The following RIN3 variants were observed in gnomAD, a reference collection of about 807,000 sequenced individuals.
RIN3 encodes the protein RAB5 interacting protein 3.
A neutral mutation model predicts 76.3 loss-of-function variants in RIN3; 54 were observed. The observed-to-expected ratio is 0.71, with a 90% confidence interval of 0.57 to 0.89. RIN3 has a LOEUF of 0.89. RIN3 is among the 40% of genes least tolerant of loss of function. The pLI is 0.00. For synonymous variants in RIN3, 576 were observed against 564.0 expected (o/e 1.02, Z -0.30); for missense variants, 1,256 against 1,322.1 (o/e 0.95, Z 0.78).
At chr14:92,515,128 C>T in intron 1 of RIN3, 1 of 653,712 alleles carries the variant, frequency 1.5e-6, no homozygotes, top group Non-Finnish European at 2.8e-6. Context: ...TAGATCTGAA[C>T]GTCTCCCTTC....
chr14:92,535,408 A>G (rs1332305069), intron 1 of RIN3, among the ~76,000 whole-genome samples: 2 of 142,558 alleles, frequency 1.4e-5, no homozygotes, highest in East Asian at 4.0e-4. Context: ...ATCTTGGCTC[A>G]CTGCAGCCTC....
In RIN3 at chr14:92,685,169, AG is replaced by A. The variant is rs753450947; in HGVS notation, c.2631+23del. 4 of 1,582,020 alleles carry A rather than the reference AG, an allele frequency of 2.5e-6. No homozygotes were observed. The highest frequency in any genetic ancestry group is 1.7e-4 in the Middle Eastern group (1 of 5,998). On this transcript the variant is annotated intron_variant, in intron 9 of 9. Coordinates refer to ENST00000216487, the MANE Select transcript of RIN3 (RefSeq NM_024832.5). The surrounding 1 kb of genome is among the most constrained non-coding windows in gnomAD (Gnocchi z 4.7). The stretch of plus-strand genomic sequence containing the variant: ...CGTACAGGTGAGGCCTGAGAGCGGG[AG>A]GGGCCCGGTGGGGCCATGTCCCAGA...
intron 1 of RIN3, among the ~76,000 whole-genome samples, chr14:92,536,111 A>T (rs1896994329): frequency 6.6e-6 from 1 of 152,152 alleles, no homozygotes; most frequent in Admixed American, 6.5e-5. Context: ...GTAATGTCAC[A>T]CCATCTTAAT....
intron 2 of RIN3, among the ~76,000 whole-genome samples, chr14:92,573,532 T>C (rs1281261364): frequency 6.6e-6 from 1 of 152,224 alleles, no homozygotes; most frequent in Non-Finnish European, 1.5e-5. Context: ...GTGCTTAGTC[T>C]TTCTGTGGCC....
At chr14:92,659,519 G>T (rs1887801085) in intron 7 of RIN3, 50 bp downstream of exon 7, 1 of 1,500,204 alleles carries the variant, frequency 6.7e-7, no homozygotes, top group Non-Finnish European at 9.0e-7. Flanking sequence ...CTTTGTATGG[G>T]TCCATGACCC....
chr14:92,666,636 T>C (rs914776642), intron 7 of RIN3, among the ~76,000 whole-genome samples: 1 of 152,194 alleles, frequency 6.6e-6, no homozygotes, highest in Non-Finnish European at 1.5e-5. Context: ...ACTTCTAGAT[T>C]CATCTCTTCT....
At chr14:92,567,527 A>G (rs951287716) in intron 2 of RIN3, among the ~76,000 whole-genome samples, 1 of 152,020 alleles carries the variant, frequency 6.6e-6, no homozygotes, top group African/African-American at 2.4e-5. Flanking sequence ...TGGCTAGCTC[A>G]GGCTTCTTTA....
intron 2 of RIN3, among the ~76,000 whole-genome samples, chr14:92,560,167 A>AGGG (rs1393334644): frequency 1.3e-5 from 2 of 152,196 alleles, no homozygotes; most frequent in African/African-American, 4.8e-5. Flanking sequence ...CAGCCCCAGC[A>AGGG]GGGGAGGCAC....
chr14:92,520,902 G>C (rs1896580544), intron 1 of RIN3, among the ~76,000 whole-genome samples: 1 of 151,700 alleles, frequency 6.6e-6, no homozygotes, highest in Admixed American at 6.5e-5. Flanking sequence ...TAGGGATGTT[G>C]CAGTTCAAAG....
intron 7 of RIN3, among the ~76,000 whole-genome samples, chr14:92,675,778 C>T (rs1274943526): frequency 6.6e-6 from 1 of 152,210 alleles, no homozygotes; most frequent in Admixed American, 6.5e-5. Flanking sequence ...AAGAGCCACA[C>T]TGGGGAGGTA....
intron 4 of RIN3, among the ~76,000 whole-genome samples, chr14:92,629,679 TGGCACTGTGCTAAG>T (rs576817246): frequency 2.2e-4 from 33 of 152,388 alleles, no homozygotes; most frequent in Admixed American, 2.0e-3. Flanking sequence ...ACCAGGTACC[TGGCACTGTGCTAAG>T]GGCTTTTATA....
intron 2 of RIN3, among the ~76,000 whole-genome samples, chr14:92,562,945 G>A (rs774900920): frequency 1.3e-5 from 2 of 152,138 alleles, no homozygotes; most frequent in African/African-American, 2.4e-5. Context: ...GAGGTGAAAG[G>A]TTGGGTCAAA....
rs557710422 is a variant in RIN3 at position 92,665,660 on chromosome 14, C to T, written c.2335+6191C>T. ...CCTCTCAAAGTGCTGGGATTACAAGCGTGAGCCACCGCGCCTGGACTCTTT... is the reference window on the plus strand; with the variant it reads ...CCTCTCAAAGTGCTGGGATTACAAGTGTGAGCCACCGCGCCTGGACTCTTT... On this transcript the variant is annotated intron_variant, in intron 7 of 9. Coordinates refer to ENST00000216487, the MANE Select transcript of RIN3 (RefSeq NM_024832.5). Among the ~76,000 whole-genome samples, 71 of 152,176 alleles carry T rather than the reference C, an allele frequency of 4.7e-4. No homozygotes were observed. In the South Asian group the frequency reaches 1.0e-2, roughly 21 times the overall value.
In RIN3 at chr14:92,649,471, ACACT is replaced by A. The variant is rs1302542175; in HGVS notation, c.533-2105_533-2102del. On this transcript the variant is annotated intron_variant, in intron 5 of 9. Transcript: ENST00000216487. ...TGTAGACATGGGCACAGTGCTTCAA[ACACT>A]CACTCCAGGGTCCTGTGTAGACATG... Among the ~76,000 whole-genome samples the A allele has an allele frequency of 4.6e-5, 7 of 151,810 alleles. No homozygotes were observed. In the East Asian group the frequency reaches 1.4e-3, roughly 30 times the overall value.
chr14:92,612,395 C>T (rs2181379), intron 3 of RIN3, among the ~76,000 whole-genome samples: 14,488 of 152,234 alleles, frequency 0.095, 1,007 homozygotes, highest in East Asian at 0.32. Context: ...TAGAAAGGTG[C>T]GAGGCTGTTT....
At chr14:92,639,122 C>T (rs1222220451) in intron 4 of RIN3, among the ~76,000 whole-genome samples, 11 of 152,242 alleles carry the variant, frequency 7.2e-5, no homozygotes, top group African/African-American at 2.7e-4. Context: ...GAGTGCTAAG[C>T]ACTGCGGGGC....
intron 1 of RIN3, among the ~76,000 whole-genome samples, chr14:92,544,123 G>A (rs565748221): frequency 6.6e-6 from 1 of 152,114 alleles, no homozygotes; most frequent in African/African-American, 2.4e-5. Flanking sequence ...CTTGAGCTGA[G>A]TGGCAGAGTC....
At chr14:92,552,697 C>T (rs1201137368) in intron 1 of RIN3, among the ~76,000 whole-genome samples, 1 of 152,120 alleles carries the variant, frequency 6.6e-6, no homozygotes, top group African/African-American at 2.4e-5. Context: ...TCCACAGTCA[C>T]CTTTTCCGGG....
In RIN3 at chr14:92,545,116, T is replaced by G. The variant is rs543819618; in HGVS notation, c.45-10635T>G. Among the ~76,000 whole-genome samples, 427 of 143,456 alleles carry G rather than the reference T, an allele frequency of 3.0e-3. 2 individuals carry two copies. Among genetic ancestry groups the G allele is most frequent in the African/African-American group, 0.01 (397 of 38,784 alleles). The allele number at this position is 143,456 out of a possible 152,430, so 94.1% of individuals were successfully genotyped here. On this transcript the variant is annotated intron_variant, in intron 1 of 9. Coordinates refer to ENST00000216487, the MANE Select transcript of RIN3 (RefSeq NM_024832.5). ...TTTTAACTTTCTGGTGTTTTTTTTT[T>G]TTTTTTTTTTTGAGACGGAGTCTTG...
Sources: allele counts gnomAD v4.1 joint callset (sites outside exome capture counted in the v4.1 genomes callset), GRCh38; gene constraint gnomAD v4.1.1; non-coding constraint Gnocchi (gnomAD v3.1); transcripts MANE v1.5; gene names NCBI Gene and HGNC (gene_info 2026-07-23, HGNC 2026-07-21).